The following CHRM3 variants were observed in gnomAD, a reference collection of about 807,000 sequenced individuals.
CHRM3 encodes cholinergic receptor muscarinic 3, also known as muscarinic acetylcholine receptor M3.
A neutral mutation model predicts 41.8 loss-of-function variants in CHRM3; 11 were observed. That is an observed-to-expected ratio of 0.26 (90% CI 0.17 to 0.44). CHRM3 has a LOEUF of 0.44. Among genes scored for constraint, CHRM3 ranks in the 20% least tolerant of loss-of-function variants. The pLI is 1.00. For missense variants in CHRM3, 571 were observed against 745.4 expected (o/e 0.77, Z 2.72); for synonymous variants, 297 against 301.4 (o/e 0.99, Z 0.15).
intron 5 of CHRM3, among the ~76,000 whole-genome samples, chr1:239,701,796 T>TA (rs1660714322): frequency 6.6e-6 from 1 of 152,138 alleles, no homozygotes; most frequent in Admixed American, 6.6e-5. Context: ...TCGCCGTAGG[T>TA]ATGTTTGCTC....
intron 1 of CHRM3, among the ~76,000 whole-genome samples, chr1:239,483,895 A>G (rs1382328680): frequency 2.0e-5 from 3 of 152,178 alleles, no homozygotes; most frequent in Admixed American, 6.5e-5. Context: ...GTCTCCTTCT[A>G]GCACAGTTAT....
At chr1:239,738,906 G>T (rs920168048) in intron 5 of CHRM3, among the ~76,000 whole-genome samples, 1 of 152,166 alleles carries the variant, frequency 6.6e-6, no homozygotes, top group Non-Finnish European at 1.5e-5. Context: ...TGAGGTAGAA[G>T]CCTTGGTCAC....
chr1:239,415,487 T>G (rs1485369756), intron 1 of CHRM3, among the ~76,000 whole-genome samples: 1 of 151,960 alleles, frequency 6.6e-6, no homozygotes, highest in Non-Finnish European at 1.5e-5. Context: ...TAAGAACTCA[T>G]TAAATTAAGA....
At chr1:239,705,845 A>G (rs1432786742) in intron 5 of CHRM3, 1 of 152,010 alleles carries the variant, frequency 6.6e-6, no homozygotes, top group Non-Finnish European at 1.5e-5. Flanking sequence ...ATGGAGCTCC[A>G]TGGCCAGTGT....
At chr1:239,474,566 C>T (rs1181816150) in intron 1 of CHRM3, among the ~76,000 whole-genome samples, 1 of 151,992 alleles carries the variant, frequency 6.6e-6, no homozygotes, top group Non-Finnish European at 1.5e-5. Context: ...TCTAGTTATG[C>T]TCAATACATA....
intron 6 of CHRM3, among the ~76,000 whole-genome samples, chr1:239,896,507 G>C (rs1679018874): frequency 1.3e-5 from 2 of 152,142 alleles, no homozygotes; most frequent in African/African-American, 4.8e-5. Flanking sequence ...TGCTGGGTGG[G>C]TGAAGAATGT....
At chr1:239,398,926 CA>C (rs899818667) in intron 1 of CHRM3, among the ~76,000 whole-genome samples, 1 of 151,092 alleles carries the variant, frequency 6.6e-6, no homozygotes, top group East Asian at 1.9e-4. Context: ...ATTATACCCA[CA>C]AAAAAATGCC....
At chr1:239,855,885 G>T (rs996710199) in intron 6 of CHRM3, among the ~76,000 whole-genome samples, 1 of 152,130 alleles carries the variant, frequency 6.6e-6, no homozygotes, top group Non-Finnish European at 1.5e-5. Flanking sequence ...AAACTTGGTT[G>T]TAGACATCTA....
chr1:239,646,105 A>G (rs1424011711), intron 4 of CHRM3, among the ~76,000 whole-genome samples: 1 of 152,236 alleles, frequency 6.6e-6, no homozygotes, highest in African/African-American at 2.4e-5. Flanking sequence ...AAGAAAAAGC[A>G]ATGCATGTGC....
chr1:239,537,521 G>A (rs574195135), intron 2 of CHRM3, among the ~76,000 whole-genome samples: 193 of 152,170 alleles, frequency 1.3e-3, no homozygotes, highest in African/African-American at 4.5e-3. Context: ...CACCTGCAAC[G>A]CTGGGGATTC....
intron 1 of CHRM3, among the ~76,000 whole-genome samples, chr1:239,436,346 A>T (rs1663267945): frequency 6.6e-6 from 1 of 152,256 alleles, no homozygotes; most frequent in African/African-American, 2.4e-5. Context: ...GTTGGTCCTG[A>T]GTGTCGCAGA....
At chr1:239,554,604 G>A (rs1345111779) in intron 3 of CHRM3, among the ~76,000 whole-genome samples, 1 of 151,876 alleles carries the variant, frequency 6.6e-6, no homozygotes, top group East Asian at 1.9e-4. Flanking sequence ...CTTTTCTAAA[G>A]CATAGTTTGA....
chr1:239,854,667 G>C (rs1259263807), intron 6 of CHRM3, among the ~76,000 whole-genome samples: 1 of 152,068 alleles, frequency 6.6e-6, no homozygotes, highest in Non-Finnish European at 1.5e-5. Flanking sequence ...AACATGGGCT[G>C]TCTGTCACTA....
chr1:239,486,267 G>T (rs1439420864), intron 1 of CHRM3, among the ~76,000 whole-genome samples: 1 of 152,122 alleles, frequency 6.6e-6, no homozygotes, highest in Non-Finnish European at 1.5e-5. Flanking sequence ...GTTTAGCCTA[G>T]TGTTCAAGGA....
chr1:239,793,699 T>A (rs1669521633), intron 5 of CHRM3, among the ~76,000 whole-genome samples: 1 of 152,112 alleles, frequency 6.6e-6, no homozygotes, highest in Non-Finnish European at 1.5e-5. Context: ...GGTGGGATAT[T>A]GTCAATTTTC....
intron 5 of CHRM3, among the ~76,000 whole-genome samples, chr1:239,738,128 C>T (rs1429615974): frequency 1.3e-5 from 2 of 152,150 alleles, no homozygotes; most frequent in Non-Finnish European, 2.9e-5. Context: ...GGTTTGAGTT[C>T]ACAATTCCTC....
At chr1:239,481,921 T>C (rs1666880840) in intron 1 of CHRM3, among the ~76,000 whole-genome samples, 1 of 152,180 alleles carries the variant, frequency 6.6e-6, no homozygotes, top group African/African-American at 2.4e-5. Context: ...TGATAACTTT[T>C]GAACAAGGTG....
chr1:239,407,233 G>T (rs1660662420), intron 1 of CHRM3, among the ~76,000 whole-genome samples: 1 of 152,018 alleles, frequency 6.6e-6, no homozygotes, highest in Non-Finnish European at 1.5e-5. Context: ...GCTGCGTTTT[G>T]TGATCACTTC....
rs143519330 is a variant in CHRM3 at position 239,903,872 on chromosome 1, C to T, written c.-19-3561C>T. Reference sequence around the variant, plus strand: ...CATGTTCATTGTTGTGGTAGAGGAGCGAGGACCATCTGATTGATGCCTGTC... The same window carrying T: ...CATGTTCATTGTTGTGGTAGAGGAGTGAGGACCATCTGATTGATGCCTGTC... On this transcript the variant is annotated intron_variant, in intron 6 of 6. Transcript: ENST00000676153. Among the ~76,000 whole-genome samples the T allele has an allele frequency of 3.3e-3, 508 of 152,192 alleles. 2 individuals are homozygous for T. Among genetic ancestry groups the T allele is most frequent in the Non-Finnish European group, 5.1e-3 (348 of 68,004 alleles).
Sources: allele counts gnomAD v4.1 joint callset (sites outside exome capture counted in the v4.1 genomes callset), GRCh38; gene constraint gnomAD v4.1.1; transcripts MANE v1.5; gene names NCBI Gene and HGNC (gene_info 2026-07-23, HGNC 2026-07-21).